XXYLT1: variants seen among roughly 807,000 people sequenced by gnomAD.
XXYLT1 encodes the protein xyloside xylosyltransferase 1, also known as UDP-xylose:alpha-xyloside alpha-1,3-xylosyltransferase.
A neutral mutation model predicts 28.9 loss-of-function variants in XXYLT1; 20 were observed. The observed-to-expected ratio is 0.69, with a 90% confidence interval of 0.49 to 1.00. The LOEUF is 1.00. Ranked by LOEUF, XXYLT1 falls within the 50% of genes least tolerant of loss-of-function variation. XXYLT1 has a pLI of 0.00. For missense variants in XXYLT1, 542 were observed against 560.1 expected (o/e 0.97, Z 0.33); for synonymous variants, 257 against 253.8 (o/e 1.01, Z -0.12).
At chr3:195,126,669 A>G (rs1002072078) in intron 3 of XXYLT1, among the ~76,000 whole-genome samples, 1 of 152,236 alleles carries the variant, frequency 6.6e-6, no homozygotes, top group African/African-American at 2.4e-5. Context: ...GATACAAAAA[A>G]TAGACATCCC....
intron 3 of XXYLT1, among the ~76,000 whole-genome samples, chr3:195,144,094 ATGTTGGCCAGG>A (rs1719704868): frequency 6.7e-6 from 1 of 149,050 alleles, no homozygotes; most frequent in East Asian, 2.2e-4. Context: ...GGGTTTCACT[ATGTTGGCCAGG>A]CTGGTCTCAA....
chr3:195,172,165 C>G (rs1180201402), intron 2 of XXYLT1, among the ~76,000 whole-genome samples: 1 of 152,180 alleles, frequency 6.6e-6, no homozygotes, highest in Non-Finnish European at 1.5e-5. Context: ...ACTTCTAGCC[C>G]AGGCGATCTG....
chr3:195,081,190 G>A (rs1404527100), intron 3 of XXYLT1, among the ~76,000 whole-genome samples: 3 of 151,540 alleles, frequency 2.0e-5, no homozygotes, highest in Non-Finnish European at 2.9e-5. Context: ...CCCAGGGATC[G>A]CTAACGCTGC....
chr3:195,084,296 C>T (rs1458933933), intron 3 of XXYLT1, among the ~76,000 whole-genome samples: 2 of 152,066 alleles, frequency 1.3e-5, no homozygotes, highest in Non-Finnish European at 2.9e-5. Context: ...GGGAAGATGG[C>T]AGGGATCAGC....
At chr3:195,095,039 C>A (rs1355123316) in intron 3 of XXYLT1, among the ~76,000 whole-genome samples, 1 of 152,208 alleles carries the variant, frequency 6.6e-6, no homozygotes, top group Non-Finnish European at 1.5e-5. Flanking sequence ...GATTCCGCAT[C>A]GCTGACAAGC....
At chr3:195,239,774 A>T (rs1724701204) in intron 1 of XXYLT1, among the ~76,000 whole-genome samples, 1 of 152,142 alleles carries the variant, frequency 6.6e-6, no homozygotes, top group Non-Finnish European at 1.5e-5. Flanking sequence ...CCTCCTCACC[A>T]GCTGTTTAGG....
At chr3:195,193,688 C>A (rs1426396558) in intron 2 of XXYLT1, among the ~76,000 whole-genome samples, 1 of 152,110 alleles carries the variant, frequency 6.6e-6, no homozygotes, top group East Asian at 1.9e-4. Context: ...ACAGGAAAGG[C>A]TTATAGATCA....
At chr3:195,116,003 G>A (rs1038796793) in intron 3 of XXYLT1, among the ~76,000 whole-genome samples, 10 of 152,216 alleles carry the variant, frequency 6.6e-5, no homozygotes, top group South Asian at 2.1e-4. Flanking sequence ...AAACGGAGTC[G>A]GGCTATCTAA....
At chr3:195,249,335 A>G (rs1478366946) in intron 1 of XXYLT1, among the ~76,000 whole-genome samples, 1 of 152,240 alleles carries the variant, frequency 6.6e-6, no homozygotes, top group Non-Finnish European at 1.5e-5. Context: ...AAGCAGCACC[A>G]TGCTGTATAA....
chr3:195,128,277 C>T (rs1227951048), intron 3 of XXYLT1, among the ~76,000 whole-genome samples: 1 of 152,194 alleles, frequency 6.6e-6, no homozygotes, highest in Non-Finnish European at 1.5e-5. Context: ...CACACCACAT[C>T]ATCACCCACC....
At chr3:195,183,173 T>C (rs1722032275) in intron 2 of XXYLT1, among the ~76,000 whole-genome samples, 1 of 152,200 alleles carries the variant, frequency 6.6e-6, no homozygotes, top group African/African-American at 2.4e-5. Flanking sequence ...TGATGTGGTT[T>C]GGCTGTGTCC....
At chr3:195,102,773 C>T (rs978251621) in intron 3 of XXYLT1, among the ~76,000 whole-genome samples, 1 of 152,266 alleles carries the variant, frequency 6.6e-6, no homozygotes, top group South Asian at 2.1e-4. Context: ...GCCGTGAGCA[C>T]GGGAGAGCAG....
rs111970202 is a variant in XXYLT1 at position 195,221,611 on chromosome 3, C to A, written c.652+5098G>T. Among the ~76,000 whole-genome samples, 892 of 152,354 alleles carry A rather than the reference C, an allele frequency of 5.9e-3. 7 individuals are homozygous for A. Among genetic ancestry groups the A allele is most frequent in the Middle Eastern group, 0.048 (14 of 294 alleles). On this transcript the variant is annotated intron_variant, in intron 2 of 3. Transcript: ENST00000310380. The stretch of plus-strand genomic sequence containing the variant: ...TCAGGGAGAACCCACAACCACAGAG[C>A]ATGCGCCCTAGCACAGCCCATACTG...
At chr3:195,102,942 C>T (rs558777938) in intron 3 of XXYLT1, among the ~76,000 whole-genome samples, 1 of 152,120 alleles carries the variant, frequency 6.6e-6, no homozygotes, top group Non-Finnish European at 1.5e-5. Context: ...GTGCAGCGTG[C>T]TGGGGCTCCC....
chr3:195,169,562 T>A (rs1721293632), intron 2 of XXYLT1, among the ~76,000 whole-genome samples: 1 of 152,186 alleles, frequency 6.6e-6, no homozygotes, highest in African/African-American at 2.4e-5. Context: ...CACTTCACAA[T>A]TTTTCAGCTT....
intron 3 of XXYLT1, among the ~76,000 whole-genome samples, chr3:195,108,067 C>T (rs1016255271): frequency 6.6e-6 from 1 of 152,340 alleles, no homozygotes; most frequent in Admixed American, 6.5e-5. Flanking sequence ...GCATCTCCCA[C>T]CACTCCCCAT....
At chr3:195,144,956 A>G (rs1245522602) in intron 3 of XXYLT1, among the ~76,000 whole-genome samples, 1 of 152,072 alleles carries the variant, frequency 6.6e-6, no homozygotes, top group Non-Finnish European at 1.5e-5. Flanking sequence ...TGTAAATAAT[A>G]TGATTCACCC....
In XXYLT1 at chr3:195,114,064, C is replaced by T. The variant is rs548695274; in HGVS notation, c.785+42385G>A. ...TACTGAGTCAGTGCCAGGTCACAAA[C>T]GCCTTGAGTGCCAGACCCCTGGGTT... On this transcript the variant is annotated intron_variant, in intron 3 of 3. Transcript: ENST00000310380. Among the ~76,000 whole-genome samples, 22 of 152,304 alleles carry T rather than the reference C, an allele frequency of 1.4e-4. No individual in the cohort carries two copies. The South Asian group carries it at 3.1e-3, about 22-fold the overall frequency.
chr3:195,106,220 T>C (rs570053185), intron 3 of XXYLT1, among the ~76,000 whole-genome samples: 1 of 152,324 alleles, frequency 6.6e-6, no homozygotes, highest in African/African-American at 2.4e-5. Flanking sequence ...TTCACTAGTG[T>C]TCTCGACGGA....
Sources: allele counts gnomAD v4.1 joint callset (sites outside exome capture counted in the v4.1 genomes callset), GRCh38; gene constraint gnomAD v4.1.1; transcripts MANE v1.5; gene names NCBI Gene and HGNC (gene_info 2026-07-23, HGNC 2026-07-21).